IL2RB: variants seen among roughly 807,000 people sequenced by gnomAD.
IL2RB encodes the protein interleukin-2 receptor subunit beta.
In IL2RB, 17 loss-of-function variants were observed where a neutral mutation model predicts 44.2. The ratio of observed to expected loss-of-function variants is 0.38; its 90% CI spans 0.26 to 0.58. The LOEUF is 0.58. Among genes scored for constraint, IL2RB ranks in the 20% least tolerant of loss-of-function variants. The pLI is 0.63. For missense variants in IL2RB, 624 were observed against 685.5 expected (o/e 0.91, Z 1.00); for synonymous variants, 286 against 297.9 (o/e 0.96, Z 0.41).
upstream of IL2RB, among the ~76,000 whole-genome samples, chr22:37,150,426 A>C (rs1413449080): frequency 1.3e-5 from 2 of 151,998 alleles, no homozygotes; most frequent in East Asian, 3.9e-4. Context: ...TTCAGAGATG[A>C]CTGTTTTTTT....
chr22:37,165,946 C>T (rs1923062201), intron 1 of IL2RB, among the ~76,000 whole-genome samples: 1 of 152,216 alleles, frequency 6.6e-6, no homozygotes, highest in Non-Finnish European at 1.5e-5. Context: ...TCATTCCTCG[C>T]CAGGGGAGCG....
chr22:37,159,712 T>A (rs1185850119), intron 1 of IL2RB, among the ~76,000 whole-genome samples: 1 of 152,102 alleles, frequency 6.6e-6, no homozygotes, highest in African/African-American at 2.4e-5. Context: ...GAGGAAGCCC[T>A]CCCCAGAACG....
At position 37,140,439 on chromosome 22, in the gene IL2RB, C is replaced by G. The variant is rs1921909078; in HGVS notation, c.283-1217G>C. ...ATATTGTCTCATTTAATTCTCTCAA[C>G]TTGGGCACAGGCACTGTCACTATTT... On this transcript the variant is annotated intron_variant, in intron 4 of 9. Coordinates refer to ENST00000216223, the MANE Select transcript of IL2RB (RefSeq NM_000878.5). Among the ~76,000 whole-genome samples, 3 of 152,140 alleles carry G rather than the reference C, an allele frequency of 2.0e-5. No homozygotes were observed. In the South Asian group the frequency reaches 6.2e-4, roughly 32 times the overall value.
rs75799005 is a variant in IL2RB, at chr22:37,143,205, T to C, written c.203+316A>G. 2.9e-3 allele frequency among the ~76,000 whole-genome samples: 436 copies of C among 152,234 alleles called. 3 individuals carry two copies. Among genetic ancestry groups the C allele is most frequent in the African/African-American group, 9.8e-3 (409 of 41,546 alleles). The stretch of plus-strand genomic sequence containing the variant: ...TCTCCCCACTTCCTCTCTGCTTGCC[T>C]CTAGAGTGGAGTCCAGCCTTGGCAT... On this transcript the variant is annotated intron_variant, in intron 3 of 9. Coordinates refer to ENST00000216223, the MANE Select transcript of IL2RB (RefSeq NM_000878.5).
upstream of IL2RB, among the ~76,000 whole-genome samples, chr22:37,150,952 C>T (rs1353168499): frequency 6.6e-6 from 1 of 152,318 alleles, no homozygotes; most frequent in Non-Finnish European, 1.5e-5. Flanking sequence ...ATATGTACCA[C>T]ATTTTCTTTA....
chr22:37,165,422 G>A (rs1923033608), intron 1 of IL2RB, among the ~76,000 whole-genome samples: 2 of 152,172 alleles, frequency 1.3e-5, no homozygotes, highest in South Asian at 2.1e-4. Context: ...TGGAAGGTAG[G>A]AACACCTGCC....
chr22:37,129,230 A>T (rs1921298755), intron 9 of IL2RB, among the ~76,000 whole-genome samples: 1 of 152,226 alleles, frequency 6.6e-6, no homozygotes, highest in East Asian at 1.9e-4. Context: ...GGGCACTAGC[A>T]CAAGTGTGGG....
intron 1 of IL2RB, among the ~76,000 whole-genome samples, chr22:37,158,655 G>C (rs1327197105): frequency 6.6e-6 from 1 of 152,214 alleles, no homozygotes; most frequent in East Asian, 1.9e-4. Context: ...ATACACGTGG[G>C]TGCACCACTG....
Position 37,128,984 on chromosome 22 carries a change from T to C in IL2RB, c.904-136A>G. 2 of 1,074,972 alleles carry C rather than the reference T, an allele frequency of 1.9e-6. No homozygotes were observed. The highest frequency in any genetic ancestry group is 1.7e-5 in the South Asian group (1 of 59,336). 66.6% of individuals were successfully genotyped at this position (1,074,972 alleles called of 1,614,324 possible). A position where few individuals can be genotyped will look rare whatever the true frequency, so the allele number is the denominator to read the frequency against. ...CAGGGCTGCCCCATCCAGGAAGCTC[T>C]CCCTGATTATAGCCCCGCACTCCCC... On this transcript the variant is annotated intron_variant, in intron 9 of 9. Coordinates refer to ENST00000216223, the MANE Select transcript of IL2RB (RefSeq NM_000878.5). The surrounding 1 kb of genome is among the most constrained non-coding windows in gnomAD (Gnocchi z 4.5).
intron 1 of IL2RB, among the ~76,000 whole-genome samples, chr22:37,172,715 A>G (rs1012854820): frequency 1.6e-4 from 25 of 152,370 alleles, no homozygotes; most frequent in African/African-American, 6.0e-4. Flanking sequence ...GCCAATTTCT[A>G]GCAGTATATA....
intron 1 of IL2RB, among the ~76,000 whole-genome samples, chr22:37,169,128 T>A (rs1304930474): frequency 6.6e-6 from 1 of 151,592 alleles, no homozygotes; most frequent in African/African-American, 2.4e-5. Context: ...AGAGGGGTTC[T>A]TGCTTACAGA....
intron 5 of IL2RB, among the ~76,000 whole-genome samples, chr22:37,138,145 G>A (rs1921798857): frequency 2.0e-5 from 3 of 152,102 alleles, no homozygotes; most frequent in Admixed American, 6.6e-5. Context: ...AATGACTCAC[G>A]GCAGCTTTTC....
intron 1 of IL2RB, among the ~76,000 whole-genome samples, chr22:37,145,158 A>G (rs965064521): frequency 5.9e-5 from 9 of 152,324 alleles, no homozygotes; most frequent in Non-Finnish European, 8.8e-5. Flanking sequence ...AGCAGATAGG[A>G]GCTCTGACCC....
intron 1 of IL2RB, among the ~76,000 whole-genome samples, chr22:37,158,483 G>A (rs552631800): frequency 5.3e-5 from 8 of 152,186 alleles, no homozygotes; most frequent in Admixed American, 1.3e-4. Flanking sequence ...ACTTGAACCC[G>A]GGAGGCAGAG....
At chr22:37,161,640 C>G (rs945676080) in intron 1 of IL2RB, among the ~76,000 whole-genome samples, 6 of 152,026 alleles carry the variant, frequency 3.9e-5, no homozygotes, top group African/African-American at 1.4e-4. Context: ...CAGTTCCAGA[C>G]CACAGGCTGG....
Position 37,128,834 on chromosome 22 carries a change from C to T in IL2RB, c.918G>A (p.Ser306=), listed in dbSNP as rs751701712. ...GGCTGAAGGACGATGAGGGGAAGGGCGAAGAGAGCCACTTCTGGTGGGAGA... is the reference window on the plus strand; with the variant it reads ...GGCTGAAGGACGATGAGGGGAAGGGTGAAGAGAGCCACTTCTGGTGGGAGA... ...HGGDVQKWLS[S]PFPSSSFSPG... Residue 306 remains serine, a synonymous_variant, in exon 10 of 10, where the codon TCG becomes TCA. Transcript: ENST00000216223. This position sits in a 1 kb window ranked among gnomAD's most constrained non-coding sequence, Gnocchi z 4.5. The T allele has an allele frequency of 3.8e-5, 61 of 1,603,730 alleles. No homozygotes were observed. The highest frequency in any genetic ancestry group is 1.5e-4 in the African/African-American group (11 of 74,862).
At chr22:37,165,874 C>T (rs1404032079) in intron 1 of IL2RB, among the ~76,000 whole-genome samples, 2 of 152,090 alleles carry the variant, frequency 1.3e-5, no homozygotes, top group Non-Finnish European at 2.9e-5. Context: ...GTCCACAACT[C>T]CCCTCTACAG....
chr22:37,163,243 A>C (rs1290329225), intron 1 of IL2RB, among the ~76,000 whole-genome samples: 2 of 152,134 alleles, frequency 1.3e-5, no homozygotes, highest in Non-Finnish European at 2.9e-5. Context: ...CCTGCAGCTG[A>C]GTGTGGTCCA....
upstream of IL2RB, among the ~76,000 whole-genome samples, chr22:37,152,470 G>T (rs1242562950): frequency 6.6e-6 from 1 of 152,144 alleles, no homozygotes; most frequent in African/African-American, 2.4e-5. Context: ...GTTTTGTGGT[G>T]GCGTTTTTAG....
Sources: allele counts gnomAD v4.1 joint callset (sites outside exome capture counted in the v4.1 genomes callset), GRCh38; gene constraint gnomAD v4.1.1; non-coding constraint Gnocchi (gnomAD v3.1); transcripts MANE v1.5; gene names NCBI Gene and HGNC (gene_info 2026-07-23, HGNC 2026-07-21).